SAG: variants seen among roughly 807,000 people sequenced by gnomAD.
SAG encodes S-arrestin.
Under a neutral mutation model 55.0 loss-of-function variants are expected in SAG, and 45 were observed. The ratio of observed to expected loss-of-function variants is 0.82; its 90% CI spans 0.64 to 1.05. The LOEUF (loss-of-function observed/expected upper bound fraction) is 1.05. Among genes scored for constraint, SAG ranks in the 50% least tolerant of loss-of-function variants. The probability of loss-of-function intolerance (pLI) is 0.00; values close to 1 mark genes in which losing one functional copy is unlikely to be tolerated. For synonymous variants in SAG, 189 were observed against 197.4 expected, an observed-to-expected ratio of 0.96 and a Z score of 0.36; for missense variants, 455 against 512.1, an observed-to-expected ratio of 0.89 and a Z score of 1.08.
Position 233,309,376 on chromosome 2 carries a change from C to T in SAG, c.75+112C>T, listed in dbSNP as rs777565722. 119 of 952,602 alleles carry T rather than the reference C, an allele frequency of 1.2e-4. 1 individual carries two copies. The highest frequency in any genetic ancestry group is 1.8e-4 in the Non-Finnish European group (109 of 619,798). The allele number at this position is 952,602 out of a possible 1,614,324, so 59.0% of individuals were successfully genotyped here. On this transcript the variant is annotated intron_variant, in intron 2 of 15. Transcript: ENST00000409110. ...CATCAAAACTCTTTGAGGGCCAGGG[C>T]GCGGTGGCTCATGCCTGTAATCCCA...
intron 2 of SAG, among the ~76,000 whole-genome samples, chr2:233,309,891 AAC>A (rs1298689487): frequency 2.0e-5 from 3 of 152,254 alleles, no homozygotes; most frequent in East Asian, 3.9e-4. Context: ...TTACTATTTA[AAC>A]ACAGTTTTGT....
rs1701273073 is a variant in SAG, at chr2:233,346,969, GCC to G, written c.*60_*61del. Reference sequence around the variant, plus strand: ...TGTAGTTACCAGTGCAACGAGCAAAGCCCCACAGTTTAGTCCTTTGGAGTTAT... The same window carrying G: ...TGTAGTTACCAGTGCAACGAGCAAAGCCACAGTTTAGTCCTTTGGAGTTAT... On this transcript the variant is annotated 3_prime_UTR_variant, in exon 16 of 16. Transcript: ENST00000409110. 1.0e-6 allele frequency: 1 copy of G among 964,662 alleles called. No homozygotes were observed. The highest frequency in any genetic ancestry group is 2.0e-5 in the Admixed American group (1 of 49,438). 59.8% of individuals were successfully genotyped at this position (964,662 alleles called of 1,614,324 possible).
At chr2:233,312,703 C>T (rs80341625) in intron 2 of SAG, among the ~76,000 whole-genome samples, 2,474 of 152,296 alleles carry the variant, frequency 0.016, 73 homozygotes, top group African/African-American at 0.055. Context: ...CAGAAGCATT[C>T]TCGGGGCCCC....
At chr2:233,331,530 G>A (rs1462910808) in intron 9 of SAG, 110 bp from the exon 10 acceptor site, 3 of 755,102 alleles carry the variant, frequency 4.0e-6, no homozygotes, top group Non-Finnish European at 4.8e-6. Flanking sequence ...GAAGTGGAGG[G>A]AAACCATCAT....
At chr2:233,328,682 C>T in intron 8 of SAG, 69 bp downstream of exon 8, 1 of 1,498,664 alleles carries the variant, frequency 6.7e-7, no homozygotes. Context: ...CCCCTCTCTT[C>T]ACCAGCCCCA....
rs2125335080 is a variant in SAG, at chr2:233,327,130, G to A, written c.445G>A (p.Val149Ile). ...TCTCTCTCCCCAACAGTCCTGTGGGGTTGACTTTGAGGTCAAAGCATTCGC... is the reference window on the plus strand; with the variant it reads ...TCTCTCTCCCCAACAGTCCTGTGGGATTGACTTTGAGGTCAAAGCATTCGC... ...APQDSGKSCG[V>I]DFEVKAFATD... Residue 149 changes from valine to isoleucine, a missense_variant, in exon 7 of 16, where the codon GTT (valine) becomes ATT (isoleucine). Coordinates refer to ENST00000409110, the MANE Select transcript of SAG (RefSeq NM_000541.5). 1 of 1,613,880 alleles carries A rather than the reference G, an allele frequency of 6.2e-7. No homozygotes were observed. Among genetic ancestry groups the A allele is most frequent in the Admixed American group, 1.7e-5 (1 of 60,030 alleles).
intron 11 of SAG, 129 bp downstream of exon 11, chr2:233,335,228 G>C (rs1466098809): frequency 1.6e-5 from 20 of 1,233,598 alleles, no homozygotes; most frequent in Non-Finnish European, 2.2e-5. Flanking sequence ...GTGTAGTGTG[G>C]AGTGCATATC....
intron 2 of SAG, among the ~76,000 whole-genome samples, chr2:233,312,587 C>T (rs779391196): frequency 9.2e-5 from 14 of 152,202 alleles, no homozygotes; most frequent in East Asian, 1.9e-4. Flanking sequence ...CTGCTTAAAA[C>T]GCTTCAACGT....
chr2:233,340,350 G>A lies in SAG; in HGVS notation c.1023-105G>A, dbSNP rs748241050. 4 of 906,720 alleles carry A rather than the reference G, an allele frequency of 4.4e-6. No individual in the cohort carries two copies. Among genetic ancestry groups the A allele is most frequent in the Non-Finnish European group, 7.1e-6 (4 of 559,644 alleles). The allele number at this position is 906,720 out of a possible 1,614,324, so 56.2% of individuals were successfully genotyped here. A position where few individuals can be genotyped will look rare whatever the true frequency, so the allele number is the denominator to read the frequency against. ...AAGACCCTGGATGTTGTGAGTTCGG[G>A]TGCAAGGGCCATGAGAGCTGGGCTG... is the stretch of plus-strand genomic sequence containing the variant. On this transcript the variant is annotated intron_variant, in intron 12 of 15. Transcript: ENST00000409110. The surrounding 1 kb of genome is among the most constrained non-coding windows in gnomAD (Gnocchi z 4.2).
chr2:233,310,777 G>T (rs988965376), intron 2 of SAG, among the ~76,000 whole-genome samples: 4 of 152,128 alleles, frequency 2.6e-5, no homozygotes, highest in Non-Finnish European at 5.9e-5. Flanking sequence ...CAAGTGCTGA[G>T]ATTACAGGTG....
intron 14 of SAG, 74 bp from the exon 15 acceptor site, chr2:233,346,329 T>G (rs914985633): frequency 1.5e-5 from 23 of 1,501,900 alleles, no homozygotes; most frequent in Non-Finnish European, 2.1e-5. Flanking sequence ...TAGGTACAGC[T>G]ATGATATAGA....
At chr2:233,314,953 T>C (rs1178231571) in intron 2 of SAG, among the ~76,000 whole-genome samples, 3 of 152,162 alleles carry the variant, frequency 2.0e-5, no homozygotes, top group Non-Finnish European at 4.4e-5. Context: ...ATTGGTGCAC[T>C]TGGCAAACAC....
intron 2 of SAG, among the ~76,000 whole-genome samples, chr2:233,311,311 A>T (rs1344731237): frequency 6.6e-6 from 1 of 152,032 alleles, no homozygotes; most frequent in African/African-American, 2.4e-5. Flanking sequence ...CTGGCGTCTC[A>T]CCCACACTTG....
intron 11 of SAG, among the ~76,000 whole-genome samples, chr2:233,337,932 C>T (rs1700990580): frequency 6.6e-6 from 1 of 152,242 alleles, no homozygotes; most frequent in Non-Finnish European, 1.5e-5. Flanking sequence ...AGTAGAACTT[C>T]AGTACGTATT....
chr2:233,317,181 A>T (rs1700236849), intron 3 of SAG, among the ~76,000 whole-genome samples: 1 of 152,172 alleles, frequency 6.6e-6, no homozygotes, highest in African/African-American at 2.4e-5. Flanking sequence ...TAAAACATGA[A>T]ACACATACTT....
intron 3 of SAG, among the ~76,000 whole-genome samples, chr2:233,316,432 C>T (rs575389768): frequency 5.3e-5 from 8 of 152,182 alleles, no homozygotes; most frequent in African/African-American, 1.9e-4. Flanking sequence ...CTGCCTCAGC[C>T]TCCCAAATAG....
chr2:233,342,893 G>A (rs1489159462), intron 14 of SAG: 1 of 157,626 alleles, frequency 6.3e-6, no homozygotes, highest in Non-Finnish European at 1.4e-5. Flanking sequence ...GAAGTAGCTG[G>A]AACTACAGGC....
intron 9 of SAG, among the ~76,000 whole-genome samples, chr2:233,331,297 C>G (rs1462952283): frequency 6.6e-6 from 1 of 152,188 alleles, no homozygotes. Context: ...TGTACTGCCT[C>G]TAGCTAGTCT....
intron 2 of SAG, 123 bp downstream of exon 2, chr2:233,309,387 A>C: frequency 1.6e-4 from 133 of 825,772 alleles, no homozygotes; most frequent in Non-Finnish European, 2.3e-4. Flanking sequence ...GCGGTGGCTC[A>C]TGCCTGTAAT....
Sources: allele counts gnomAD v4.1 joint callset (sites outside exome capture counted in the v4.1 genomes callset), GRCh38; gene constraint gnomAD v4.1.1; non-coding constraint Gnocchi (gnomAD v3.1); transcripts MANE v1.5; gene names NCBI Gene and HGNC (gene_info 2026-07-23, HGNC 2026-07-21).